The following ARL15 variants were observed in gnomAD, a reference collection of about 807,000 sequenced individuals.
ARL15 encodes ARF like GTPase 15, also known as ADP-ribosylation factor-like protein 15.
ARL15 carries 19 observed loss-of-function variants against 25.2 expected under a neutral mutation model. That is an observed-to-expected ratio of 0.75 (90% CI 0.53 to 1.10). The LOEUF (loss-of-function observed/expected upper bound fraction) is 1.10, where lower values mean the gene tolerates loss of function less well. Ranked by LOEUF, ARL15 falls within the 50% of genes least tolerant of loss-of-function variation. The pLI is 0.00. For missense variants in ARL15, 220 were observed against 246.0 expected, an observed-to-expected ratio of 0.89 and a Z score of 0.71; for synonymous variants, 94 against 86.8, an observed-to-expected ratio of 1.08 and a Z score of -0.46.
At chr5:53,903,793 C>G (rs1745147822) in intron 4 of ARL15, among the ~76,000 whole-genome samples, 1 of 152,124 alleles carries the variant, frequency 6.6e-6, no homozygotes, top group South Asian at 2.1e-4. Context: ...AGTCAGTACA[C>G]CAAATTGGGC....
intron 1 of ARL15, among the ~76,000 whole-genome samples, chr5:54,259,231 C>A (rs1757437987): frequency 6.6e-6 from 1 of 152,164 alleles, no homozygotes; most frequent in Non-Finnish European, 1.5e-5. Context: ...ACCCCACATA[C>A]ACACACATAC....
At chr5:53,947,994 C>A (rs920924720) in intron 4 of ARL15, among the ~76,000 whole-genome samples, 1 of 151,494 alleles carries the variant, frequency 6.6e-6, no homozygotes, top group African/African-American at 2.4e-5. Flanking sequence ...AAATGAGACA[C>A]CAGTGGAAAA....
intron 3 of ARL15, among the ~76,000 whole-genome samples, chr5:54,140,489 T>C (rs552806298): frequency 4.9e-4 from 74 of 152,168 alleles, no homozygotes; most frequent in African/African-American, 1.7e-3. Context: ...GAGATATGCT[T>C]ACACAGCCCA....
chr5:54,226,389 T>C (rs914538032), intron 1 of ARL15, among the ~76,000 whole-genome samples: 7 of 152,182 alleles, frequency 4.6e-5, no homozygotes, highest in Admixed American at 3.9e-4. Context: ...AATGAGGCAA[T>C]TCCAGGCCAT....
intron 4 of ARL15, among the ~76,000 whole-genome samples, chr5:53,986,045 G>A (rs960646300): frequency 5.3e-5 from 8 of 152,144 alleles, no homozygotes; most frequent in Admixed American, 2.6e-4. Flanking sequence ...ACAGAGCTAA[G>A]AGAACACATG....
intron 4 of ARL15, among the ~76,000 whole-genome samples, chr5:53,986,557 C>A (rs1383162121): frequency 6.6e-6 from 1 of 152,122 alleles, no homozygotes; most frequent in African/African-American, 2.4e-5. Context: ...ATCAAACACT[C>A]CAGAGGGTTC....
rs150334628 is a variant in ARL15 at position 53,944,277 on chromosome 5, G to A, written c.463-57564C>T. 8.5e-4 allele frequency among the ~76,000 whole-genome samples: 130 copies of A among 152,266 alleles called. 2 individuals are homozygous for A. Among genetic ancestry groups the A allele is most frequent in the African/African-American group, 2.9e-3 (122 of 41,554 alleles). On this transcript the variant is annotated intron_variant, in intron 4 of 4. Coordinates refer to ENST00000504924, the MANE Select transcript of ARL15 (RefSeq NM_019087.3). ...CCACAAGGGAGTGGTTAAACAGCTT[G>A]AGCAAGAGACTTGGAATATATGAGA...
intron 1 of ARL15, among the ~76,000 whole-genome samples, chr5:54,305,857 G>A (rs774163337): frequency 1.3e-4 from 20 of 152,086 alleles, no homozygotes; most frequent in Non-Finnish European, 2.8e-4. Context: ...GAGGGTGGAG[G>A]CTACTATAAA....
chr5:54,038,779 A>C (rs966290833), intron 4 of ARL15, among the ~76,000 whole-genome samples: 7 of 152,182 alleles, frequency 4.6e-5, no homozygotes, highest in African/African-American at 1.7e-4. Flanking sequence ...TCAAATACTA[A>C]GACATTTGCT....
chr5:53,893,577 G>C (rs568573778), intron 4 of ARL15, among the ~76,000 whole-genome samples: 7 of 152,158 alleles, frequency 4.6e-5, no homozygotes, highest in Non-Finnish European at 1.0e-4. Flanking sequence ...CACTGCACTC[G>C]AGCCTGGGCG....
intron 4 of ARL15, among the ~76,000 whole-genome samples, chr5:54,109,484 G>A (rs116006942): frequency 0.035 from 5,381 of 151,974 alleles, 110 homozygotes; most frequent in Non-Finnish European, 0.058. Flanking sequence ...TAAAAACCAG[G>A]AGGTAAAAGA....
chr5:53,936,022 T>C (rs1287871874), intron 4 of ARL15, among the ~76,000 whole-genome samples: 2 of 152,112 alleles, frequency 1.3e-5, no homozygotes, highest in Non-Finnish European at 2.9e-5. Flanking sequence ...GTGCTGGGAT[T>C]ACAGGCGTGG....
intron 4 of ARL15, among the ~76,000 whole-genome samples, chr5:54,048,591 C>T (rs964607832): frequency 6.1e-4 from 92 of 151,154 alleles, no homozygotes; most frequent in East Asian, 5.9e-4. Flanking sequence ...TTAGTAGAGA[C>T]GAGGTTTCAC....
chr5:53,969,829 T>G (rs988173279), intron 4 of ARL15, among the ~76,000 whole-genome samples: 1 of 152,022 alleles, frequency 6.6e-6, no homozygotes, highest in Middle Eastern at 3.4e-3. Flanking sequence ...AACTCTTTAT[T>G]GGTAAAAAAA....
rs1272422103 is a variant in ARL15 at position 53,914,151 on chromosome 5, T to TCA, written c.463-27440_463-27439dup. Among the ~76,000 whole-genome samples, 3 of 151,506 alleles carry TCA rather than the reference T, an allele frequency of 2.0e-5. No homozygotes were observed. In the East Asian group the frequency reaches 5.9e-4, roughly 30 times the overall value. On this transcript the variant is annotated intron_variant, in intron 4 of 4. Transcript: ENST00000504924. ...AGTGCACAGGCCCACACACACACTC[T>TCA]CACACACACACACACTTTATAGTTC...
At chr5:54,039,305 G>A (rs1056586323) in intron 4 of ARL15, among the ~76,000 whole-genome samples, 2 of 152,036 alleles carry the variant, frequency 1.3e-5, no homozygotes, top group Admixed American at 6.5e-5. Context: ...CAGAAAAGAG[G>A]AAAAGAAAGA....
At chr5:54,262,370 G>A (rs1037736349) in intron 1 of ARL15, among the ~76,000 whole-genome samples, 4 of 152,184 alleles carry the variant, frequency 2.6e-5, no homozygotes, top group South Asian at 4.1e-4. Context: ...TTTACCCCAG[G>A]TCATTCAATT....
At chr5:54,023,681 C>T (rs1380484437) in intron 4 of ARL15, among the ~76,000 whole-genome samples, 1 of 152,178 alleles carries the variant, frequency 6.6e-6, no homozygotes, top group Non-Finnish European at 1.5e-5. Flanking sequence ...TTCTCTCAAT[C>T]CTCTGCGCCT....
intron 1 of ARL15, among the ~76,000 whole-genome samples, chr5:54,222,805 G>T (rs375318499): frequency 6.6e-6 from 1 of 152,046 alleles, no homozygotes; most frequent in African/African-American, 2.4e-5. Context: ...TCAAGCCTTG[G>T]CTTAAGGTAT....
Sources: gnomAD v4.1 joint callset for allele counts (sites outside exome capture counted in the v4.1 genomes callset) on GRCh38, gnomAD v4.1.1 for gene constraint, MANE v1.5 for transcripts, NCBI Gene and HGNC (gene_info 2026-07-23, HGNC 2026-07-21) for gene names.